Variants in EXOC6B observed in about 807,000 individuals in gnomAD.
EXOC6B encodes the protein exocyst complex component 6B.
In EXOC6B, 54 loss-of-function variants were observed where a neutral mutation model predicts 113.5. The ratio of observed to expected loss-of-function variants is 0.48; its 90% CI spans 0.38 to 0.60. EXOC6B has a LOEUF of 0.60. Among genes scored for constraint, EXOC6B ranks in the 20% least tolerant of loss-of-function variants. EXOC6B has a pLI of 0.00. For missense variants in EXOC6B, 797 were observed against 977.5 expected (o/e 0.82, Z 2.46); for synonymous variants, 357 against 339.0 (o/e 1.05, Z -0.58).
intron 20 of EXOC6B, among the ~76,000 whole-genome samples, chr2:72,195,582 G>A (rs1031077922): frequency 6.6e-6 from 1 of 152,116 alleles, no homozygotes; most frequent in Non-Finnish European, 1.5e-5. Context: ...CTATATTATT[G>A]AGTTGTTAAC....
At chr2:72,318,106 T>G (rs1687632738) in intron 20 of EXOC6B, among the ~76,000 whole-genome samples, 1 of 152,172 alleles carries the variant, frequency 6.6e-6, no homozygotes, top group Non-Finnish European at 1.5e-5. Context: ...TTTGAACACT[T>G]TTTATTATCA....
intron 11 of EXOC6B, 27 bp downstream of exon 11, chr2:72,513,105 A>G (rs759765454): frequency 6.2e-7 from 1 of 1,611,152 alleles, no homozygotes; most frequent in Non-Finnish European, 8.5e-7. Context: ...GCTCTAAATA[A>G]CAACTTCCCT....
At chr2:72,421,695 G>C (rs1331533203) in intron 18 of EXOC6B, among the ~76,000 whole-genome samples, 2 of 152,238 alleles carry the variant, frequency 1.3e-5, no homozygotes, top group African/African-American at 4.8e-5. Flanking sequence ...CTCGCTCTCG[G>C]CGCCTCCTCT....
chr2:72,332,098 C>T (rs1002581471), intron 20 of EXOC6B, among the ~76,000 whole-genome samples: 4 of 143,066 alleles, frequency 2.8e-5, no homozygotes, highest in South Asian at 2.1e-4. Flanking sequence ...CACTCAATGA[C>T]GGTAAAAGAA....
chr2:72,191,042 G>A (rs1678799354), intron 20 of EXOC6B, among the ~76,000 whole-genome samples: 1 of 152,108 alleles, frequency 6.6e-6, no homozygotes, highest in African/African-American at 2.4e-5. Context: ...ATAGAACAGG[G>A]GAACTAAACT....
intron 8 of EXOC6B, among the ~76,000 whole-genome samples, chr2:72,522,060 T>G (rs1051884442): frequency 1.3e-5 from 2 of 152,282 alleles, no homozygotes; most frequent in African/African-American, 4.8e-5. Context: ...TACTAAAGAC[T>G]GTATTATTAT....
intron 20 of EXOC6B, among the ~76,000 whole-genome samples, chr2:72,288,116 T>A (rs1450454714): frequency 6.6e-6 from 1 of 152,004 alleles, no homozygotes. Flanking sequence ...AAATAGAAAA[T>A]AAACTTACAA....
chr2:72,451,216 T>C (rs1163046958), intron 18 of EXOC6B, among the ~76,000 whole-genome samples: 2 of 152,130 alleles, frequency 1.3e-5, no homozygotes, highest in African/African-American at 4.8e-5. Flanking sequence ...CTAGGAAAAA[T>C]AGGCACAAAA....
At chr2:72,604,893 T>C (rs1264738077) in intron 6 of EXOC6B, among the ~76,000 whole-genome samples, 2 of 152,202 alleles carry the variant, frequency 1.3e-5, no homozygotes, top group African/African-American at 4.8e-5. Flanking sequence ...TAGCCTATTA[T>C]GTAATAATTC....
At chr2:72,464,300 G>A (rs1034412412) in intron 18 of EXOC6B, 2 of 152,190 alleles carry the variant, frequency 1.3e-5, no homozygotes, top group Non-Finnish European at 2.9e-5. Flanking sequence ...AACAGACAAG[G>A]TTTCTGTGAA....
chr2:72,351,317 G>A (rs763384956), intron 19 of EXOC6B, among the ~76,000 whole-genome samples: 5 of 152,046 alleles, frequency 3.3e-5, no homozygotes, highest in African/African-American at 4.8e-5. Flanking sequence ...ACAATTAAAC[G>A]GTTCATAGTC....
intron 20 of EXOC6B, among the ~76,000 whole-genome samples, chr2:72,259,490 C>T (rs1223513533): frequency 6.6e-6 from 1 of 152,162 alleles, no homozygotes; most frequent in Non-Finnish European, 1.5e-5. Context: ...TTGCTATGAA[C>T]ATTCTTTTAC....
intron 1 of EXOC6B, among the ~76,000 whole-genome samples, chr2:72,823,862 G>A (rs1686742826): frequency 6.6e-6 from 1 of 152,026 alleles, no homozygotes; most frequent in Non-Finnish European, 1.5e-5. Context: ...AAACAATACA[G>A]TATAACATAT....
chr2:72,530,349 C>T (rs890699165), intron 8 of EXOC6B, among the ~76,000 whole-genome samples: 12 of 152,272 alleles, frequency 7.9e-5, no homozygotes, highest in African/African-American at 2.4e-4. Context: ...TCCTTTGAGA[C>T]TTCCTCTTAG....
chr2:72,685,682 C>T (rs369219023), intron 6 of EXOC6B, among the ~76,000 whole-genome samples: 16 of 152,302 alleles, frequency 1.1e-4, no homozygotes, highest in African/African-American at 3.1e-4. Context: ...AACAAAAACA[C>T]ACACAGCCTT....
chr2:72,475,631 A>T (rs1698692009), intron 17 of EXOC6B, among the ~76,000 whole-genome samples: 1 of 151,232 alleles, frequency 6.6e-6, no homozygotes, highest in East Asian at 1.9e-4. Flanking sequence ...GAGTATAGGC[A>T]CCAGATGCAG....
chr2:72,742,351 G>A (rs766390008), intron 1 of EXOC6B, among the ~76,000 whole-genome samples: 1 of 151,838 alleles, frequency 6.6e-6, no homozygotes, highest in African/African-American at 2.4e-5. Context: ...TTTAATAAAA[G>A]ATGAAGTCTC....
intron 19 of EXOC6B, among the ~76,000 whole-genome samples, chr2:72,344,454 T>TC (rs1689202377): frequency 6.7e-6 from 1 of 149,090 alleles, no homozygotes; most frequent in East Asian, 1.9e-4. Context: ...TTGATTTACT[T>TC]TTTTTTTTTG....
intron 1 of EXOC6B, among the ~76,000 whole-genome samples, chr2:72,752,445 A>T (rs1249143679): frequency 6.6e-6 from 1 of 152,036 alleles, no homozygotes; most frequent in East Asian, 1.9e-4. Flanking sequence ...TCTTAACAAA[A>T]CAACACAGCC....
Sources: allele counts gnomAD v4.1 joint callset (sites outside exome capture counted in the v4.1 genomes callset), GRCh38; gene constraint gnomAD v4.1.1; transcripts MANE v1.5; gene names NCBI Gene and HGNC (gene_info 2026-07-23, HGNC 2026-07-21).